Variants in HTR4 observed in about 807,000 individuals in gnomAD.
HTR4 encodes the protein 5-hydroxytryptamine receptor 4.
A neutral mutation model predicts 36.8 loss-of-function variants in HTR4; 16 were observed. The ratio of observed to expected loss-of-function variants is 0.43; its 90% CI spans 0.29 to 0.66. The LOEUF (loss-of-function observed/expected upper bound fraction) is 0.66, where lower values mean the gene tolerates loss of function less well. HTR4 is among the 30% of genes least tolerant of loss of function. The pLI is 0.13. For missense variants in HTR4, 438 were observed against 490.9 expected, an observed-to-expected ratio of 0.89 and a Z score of 1.02; for synonymous variants, 189 against 185.1, an observed-to-expected ratio of 1.02 and a Z score of -0.17.
chr5:148,468,918 A>G (rs764996918), intron 5 of HTR4, among the ~76,000 whole-genome samples: 9 of 152,002 alleles, frequency 5.9e-5, no homozygotes, highest in Non-Finnish European at 1.2e-4. Context: ...CCCTTTTGCT[A>G]GGGACTTCTG....
At chr5:148,626,869 AAGTT>A (rs1401999143) in intron 2 of HTR4, among the ~76,000 whole-genome samples, 3 of 152,166 alleles carry the variant, frequency 2.0e-5, no homozygotes, top group Admixed American at 1.3e-4. Flanking sequence ...GATTCACACT[AAGTT>A]AGCCAGCTTT....
rs182895340 is a variant in HTR4, at chr5:148,598,632, C to T, written c.26+38357G>A. Reference sequence around the variant, plus strand: ...GTTAGTGGTCAGTAAGAAAGACCTTCAAGCCATGAAGTCTAGCACTTTAAA... The same window carrying T: ...GTTAGTGGTCAGTAAGAAAGACCTTTAAGCCATGAAGTCTAGCACTTTAAA... On this transcript the variant is annotated intron_variant, in intron 2 of 6. Coordinates refer to ENST00000377888, the MANE Select transcript of HTR4 (RefSeq NM_000870.7). Among the ~76,000 whole-genome samples the T allele has an allele frequency of 2.6e-3, 395 of 152,232 alleles. 3 individuals carry two copies. Among genetic ancestry groups the T allele is most frequent in the African/African-American group, 7.9e-3 (328 of 41,540 alleles).
intron 6 of HTR4, among the ~76,000 whole-genome samples, chr5:148,506,404 T>C (rs1415176864): frequency 6.6e-6 from 1 of 152,092 alleles, no homozygotes; most frequent in Non-Finnish European, 1.5e-5. Context: ...ATGTCAGACC[T>C]AAAACCATAA....
At chr5:148,510,150 T>G (rs1388634138) in intron 5 of HTR4, 126 bp from the exon 6 acceptor site, 2 of 603,624 alleles carry the variant, frequency 3.3e-6, no homozygotes, top group African/African-American at 1.9e-5. Context: ...AAGTGGAGGA[T>G]TGGAAGATAA....
intron 2 of HTR4, among the ~76,000 whole-genome samples, chr5:148,624,422 C>T (rs908718927): frequency 9.9e-5 from 15 of 152,156 alleles, no homozygotes; most frequent in African/African-American, 3.6e-4. Context: ...TGAGAAAATA[C>T]TTGTGAAGAG....
At chr5:148,570,080 G>A (rs1421943141) in intron 2 of HTR4, among the ~76,000 whole-genome samples, 1 of 152,090 alleles carries the variant, frequency 6.6e-6, no homozygotes, top group African/African-American at 2.4e-5. Flanking sequence ...TCATACACAA[G>A]AGTATTAATT....
In HTR4 at chr5:148,483,165, G is replaced by A. The variant is rs1270770288; in HGVS notation, c.*38C>T. 3.1e-6 allele frequency: 5 copies of A among 1,613,582 alleles called. No homozygotes were observed. The highest frequency in any genetic ancestry group is 4.2e-6 in the Non-Finnish European group (5 of 1,179,760). On this transcript the variant is annotated 3_prime_UTR_variant, in exon 7 of 7. Transcript: ENST00000377888. The stretch of plus-strand genomic sequence containing the variant: ...GCAGCTTAGGACCTGGCCCTCTTTC[G>A]GAGGCATGGCTGTCTTCTGGGTCAT...
At chr5:148,636,587 G>C (rs1054466870) in intron 2 of HTR4, among the ~76,000 whole-genome samples, 4 of 152,110 alleles carry the variant, frequency 2.6e-5, no homozygotes, top group African/African-American at 9.7e-5. Context: ...TAATAACCTA[G>C]TTGAGAAAAG....
chr5:148,493,643 T>TA (rs1385966250), intron 6 of HTR4, among the ~76,000 whole-genome samples: 3 of 151,772 alleles, frequency 2.0e-5, no homozygotes, highest in Non-Finnish European at 2.9e-5. Flanking sequence ...AATTAGCAAG[T>TA]AAAAAAACAC....
intron 1 of HTR4, chr5:148,646,423 A>G (rs1391149813): frequency 1.3e-5 from 2 of 152,234 alleles, no homozygotes; most frequent in African/African-American, 4.8e-5. Flanking sequence ...AGAATTCTCC[A>G]TTTCAGATAT....
At chr5:148,547,107 G>A (rs1759416710) in intron 4 of HTR4, among the ~76,000 whole-genome samples, 1 of 152,116 alleles carries the variant, frequency 6.6e-6, no homozygotes, top group Non-Finnish European at 1.5e-5. Context: ...AATACAGCAG[G>A]CCATTATGAC....
At chr5:148,478,396 C>G (rs186108002), downstream of HTR4, among the ~76,000 whole-genome samples, 1 of 152,094 alleles carries the variant, frequency 6.6e-6, no homozygotes, top group Non-Finnish European at 1.5e-5. Context: ...ACTTCACAGC[C>G]GGTGAAGGCT....
intron 6 of HTR4, among the ~76,000 whole-genome samples, chr5:148,505,345 A>G (rs1289771957): frequency 6.6e-6 from 1 of 152,194 alleles, no homozygotes; most frequent in Admixed American, 6.5e-5. Flanking sequence ...AAAACTCTCA[A>G]TAAGTTAGGT....
intron 4 of HTR4, among the ~76,000 whole-genome samples, chr5:148,523,967 C>G (rs926704588): frequency 6.6e-6 from 1 of 151,818 alleles, no homozygotes; most frequent in African/African-American, 2.4e-5. Flanking sequence ...GATCACCTGC[C>G]TACATGGAAG....
At chr5:148,502,426 C>A (rs1247748423) in intron 6 of HTR4, among the ~76,000 whole-genome samples, 1 of 152,218 alleles carries the variant, frequency 6.6e-6, no homozygotes, top group Admixed American at 6.5e-5. Context: ...AACAGACCAG[C>A]ATCTGAAGGT....
intron 2 of HTR4, among the ~76,000 whole-genome samples, chr5:148,610,450 A>T (rs1752376291): frequency 6.6e-6 from 1 of 152,174 alleles, no homozygotes; most frequent in Admixed American, 6.5e-5. Context: ...ACTCCAACAG[A>T]CCTGCAGCTG....
At chr5:148,588,690 G>GC (rs1287971682) in intron 2 of HTR4, among the ~76,000 whole-genome samples, 8 of 150,452 alleles carry the variant, frequency 5.3e-5, no homozygotes, top group African/African-American at 1.9e-4. Flanking sequence ...ACAGGCGCCC[G>GC]CCACCGCGCC....
Position 148,607,385 on chromosome 5 carries a change from G to T in HTR4, c.26+29604C>A, listed in dbSNP as rs139560050. 1.8e-3 allele frequency among the ~76,000 whole-genome samples: 270 copies of T among 152,308 alleles called. 1 individual carries two copies. The highest frequency in any genetic ancestry group is 6.0e-3 in the African/African-American group (251 of 41,564). ...TGTTGGCCTAGCCTGCCCATGCTGT[G>T]ATTCGGGCAGCAGTGATGCATGCTG... On this transcript the variant is annotated intron_variant, in intron 2 of 6. Coordinates refer to ENST00000377888, the MANE Select transcript of HTR4 (RefSeq NM_000870.7).
intron 2 of HTR4, among the ~76,000 whole-genome samples, chr5:148,555,244 T>A (rs940459672): frequency 3.9e-5 from 6 of 152,084 alleles, no homozygotes; most frequent in Non-Finnish European, 7.4e-5. Context: ...ACCATAAGAA[T>A]AATCTTTCTT....
Sources: gnomAD v4.1 joint callset for allele counts (sites outside exome capture counted in the v4.1 genomes callset) on GRCh38, gnomAD v4.1.1 for gene constraint, MANE v1.5 for transcripts, NCBI Gene and HGNC (gene_info 2026-07-23, HGNC 2026-07-21) for gene names.